The following NRG3 variants were observed in gnomAD, a reference collection of about 807,000 sequenced individuals.
The protein encoded by NRG3 is neuregulin 3.
In NRG3, 31 loss-of-function variants were observed where a neutral mutation model predicts 66.9. That is an observed-to-expected ratio of 0.46 (90% CI 0.35 to 0.63). NRG3 has a LOEUF of 0.63. Ranked by LOEUF, NRG3 falls within the 20% of genes least tolerant of loss-of-function variation. The pLI is 0.00. For synonymous variants in NRG3, 393 were observed against 359.4 expected (o/e 1.09, Z -1.06); for missense variants, 910 against 878.9 (o/e 1.04, Z -0.45).
intron 4 of NRG3, among the ~76,000 whole-genome samples, chr10:82,899,060 A>G (rs970494749): frequency 6.6e-6 from 1 of 152,122 alleles, no homozygotes; most frequent in Non-Finnish European, 1.5e-5. Context: ...GCAGGTGACC[A>G]AATTGTTTTG....
chr10:82,870,458 G>T (rs1591787269), intron 4 of NRG3, among the ~76,000 whole-genome samples: 1 of 152,272 alleles, frequency 6.6e-6, no homozygotes, highest in South Asian at 2.1e-4. Flanking sequence ...CAAAAAGCAT[G>T]ACTGCTGGGT....
chr10:82,556,195 T>A (rs1246955451), intron 2 of NRG3, among the ~76,000 whole-genome samples: 2 of 152,074 alleles, frequency 1.3e-5, no homozygotes, highest in Non-Finnish European at 2.9e-5. Flanking sequence ...ACTTGAAGCC[T>A]ATTTTTTTTT....
chr10:82,562,731 C>A (rs1462357455), intron 2 of NRG3, among the ~76,000 whole-genome samples: 1 of 151,798 alleles, frequency 6.6e-6, no homozygotes, highest in Admixed American at 6.6e-5. Context: ...CAGCACCATT[C>A]CTCTGGAGTG....
At chr10:82,266,225 A>G (rs1321051416) in intron 1 of NRG3, among the ~76,000 whole-genome samples, 3 of 152,112 alleles carry the variant, frequency 2.0e-5, no homozygotes, top group Non-Finnish European at 2.9e-5. Flanking sequence ...GATTGAGCCT[A>G]TTGGTCTCAG....
At position 82,218,952 on chromosome 10, in the gene NRG3, A is replaced by G. The variant is rs545240458; in HGVS notation, c.824-139787A>G. On this transcript the variant is annotated intron_variant, in intron 1 of 8. Coordinates refer to ENST00000372141, the MANE Select transcript of NRG3 (RefSeq NM_001010848.4). ...AATGGCTAAGAAAGGAGACCAATCT[A>G]TGGGATACTTAAAAAACCTATTAAA... 1.2e-3 allele frequency among the ~76,000 whole-genome samples: 180 copies of G among 152,178 alleles called. 1 individual carries two copies. Among genetic ancestry groups the G allele is most frequent in the Non-Finnish European group, 2.0e-3 (134 of 68,004 alleles).
At chr10:82,543,136 C>A (rs2043656538) in intron 2 of NRG3, among the ~76,000 whole-genome samples, 1 of 152,070 alleles carries the variant, frequency 6.6e-6, no homozygotes. Flanking sequence ...AGGTGGTCCA[C>A]CCGACTCAGC....
At position 81,883,355 on chromosome 10, in the gene NRG3, T is replaced by A. The variant is rs116636089; in HGVS notation, c.823+7192T>A. Among the ~76,000 whole-genome samples, 912 of 152,320 alleles carry A rather than the reference T, an allele frequency of 6.0e-3. 5 individuals are homozygous for A. Among genetic ancestry groups the A allele is most frequent in the Middle Eastern group, 0.02 (6 of 294 alleles). The stretch of plus-strand genomic sequence containing the variant: ...CTTAAAGTATTACTTTTTGTTGTTA[T>A]AAGCTTTTATTTCTCAAGACAGGTT... On this transcript the variant is annotated intron_variant, in intron 1 of 8. Transcript: ENST00000372141.
At chr10:81,919,508 TTCATCA>T (rs3061972) in intron 1 of NRG3, among the ~76,000 whole-genome samples, 21 of 151,776 alleles carry the variant, frequency 1.4e-4, no homozygotes, top group Middle Eastern at 3.2e-3. Context: ...TTTCATTAAC[TTCATCA>T]TCATCATCAT....
chr10:81,984,583 G>C (rs950185829), intron 1 of NRG3, among the ~76,000 whole-genome samples: 6 of 152,106 alleles, frequency 3.9e-5, no homozygotes, highest in African/African-American at 1.4e-4. Context: ...GATACCTCAT[G>C]AGCTTCTGTC....
intron 1 of NRG3, among the ~76,000 whole-genome samples, chr10:82,050,837 A>G (rs2063558540): frequency 1.3e-5 from 1 of 79,594 alleles, no homozygotes; most frequent in African/African-American, 3.1e-5. Context: ...CTTGCAGAAT[A>G]TCCTTCTCTC....
At chr10:82,469,145 G>A (rs1357534952) in intron 2 of NRG3, among the ~76,000 whole-genome samples, 1 of 152,188 alleles carries the variant, frequency 6.6e-6, no homozygotes, top group African/African-American at 2.4e-5. Flanking sequence ...TTTGCTTTTC[G>A]AAAATGGTTC....
chr10:82,056,026 G>A (rs1255129226), intron 1 of NRG3, among the ~76,000 whole-genome samples: 2 of 152,132 alleles, frequency 1.3e-5, no homozygotes, highest in Non-Finnish European at 2.9e-5. Context: ...AGGCAGTTTC[G>A]AAGACCACTT....
chr10:81,928,531 A>T (rs1360752549), intron 1 of NRG3, among the ~76,000 whole-genome samples: 2 of 152,236 alleles, frequency 1.3e-5, no homozygotes, highest in Non-Finnish European at 2.9e-5. Flanking sequence ...TTAAAACATA[A>T]AAGCTCATGG....
At chr10:82,290,056 T>C (rs1454437853) in intron 1 of NRG3, among the ~76,000 whole-genome samples, 2 of 152,224 alleles carry the variant, frequency 1.3e-5, no homozygotes, top group African/African-American at 4.8e-5. Context: ...ACCTAGGCTT[T>C]AATCTCTCTA....
intron 2 of NRG3, among the ~76,000 whole-genome samples, chr10:82,408,605 T>C (rs2087803492): frequency 6.8e-6 from 1 of 147,584 alleles, no homozygotes; most frequent in East Asian, 2.0e-4. Flanking sequence ...TCAAGGAAAA[T>C]GACAAAACTA....
At chr10:82,718,357 C>A (rs927464671) in intron 2 of NRG3, among the ~76,000 whole-genome samples, 1 of 152,130 alleles carries the variant, frequency 6.6e-6, no homozygotes. Flanking sequence ...ACCAAGAACA[C>A]GATGATCATA....
chr10:82,435,394 C>T (rs950222744), intron 2 of NRG3, among the ~76,000 whole-genome samples: 1 of 152,010 alleles, frequency 6.6e-6, no homozygotes. Context: ...TTTCAGAAAA[C>T]CTGCTCCTGG....
intron 2 of NRG3, among the ~76,000 whole-genome samples, chr10:82,667,780 T>C (rs998622213): frequency 2.0e-5 from 3 of 152,168 alleles, no homozygotes; most frequent in Non-Finnish European, 4.4e-5. Flanking sequence ...TTCATGATTC[T>C]GCTAGTAACT....
intron 1 of NRG3, among the ~76,000 whole-genome samples, chr10:81,928,108 A>C (rs1429377371): frequency 1.3e-5 from 2 of 152,256 alleles, no homozygotes; most frequent in Non-Finnish European, 2.9e-5. Flanking sequence ...TATTGACCTC[A>C]TAATAAGCTA....
Sources: allele counts gnomAD v4.1 joint callset (sites outside exome capture counted in the v4.1 genomes callset), GRCh38; gene constraint gnomAD v4.1.1; transcripts MANE v1.5; gene names NCBI Gene and HGNC (gene_info 2026-07-23, HGNC 2026-07-21).